FUT8: variants seen among roughly 807,000 people sequenced by gnomAD.
The protein encoded by FUT8 is alpha-(1,6)-fucosyltransferase.
In FUT8, 29 loss-of-function variants were observed where a neutral mutation model predicts 71.3. That is an observed-to-expected ratio of 0.41 (90% CI 0.30 to 0.55). The LOEUF (loss-of-function observed/expected upper bound fraction) is 0.55. Among genes scored for constraint, FUT8 ranks in the 20% least tolerant of loss-of-function variants. FUT8 has a pLI of 0.34. For missense variants in FUT8, 544 were observed against 702.1 expected, an observed-to-expected ratio of 0.77 and a Z score of 2.55; for synonymous variants, 254 against 239.3, an observed-to-expected ratio of 1.06 and a Z score of -0.57.
chr14:65,524,148 A>G (rs1370657683), intron 2 of FUT8, among the ~76,000 whole-genome samples: 3 of 152,232 alleles, frequency 2.0e-5, no homozygotes, highest in Admixed American at 6.5e-5. Context: ...CATTGAATCT[A>G]TAAATTCCCT....
intron 9 of FUT8, among the ~76,000 whole-genome samples, chr14:65,727,105 G>A (rs549033168): frequency 5.7e-4 from 87 of 152,236 alleles, no homozygotes; most frequent in African/African-American, 2.0e-3. Flanking sequence ...CCCCCCTCCT[G>A]GCTGCTTTCA....
At chr14:65,390,465 A>G in the FUT8 span, among the ~76,000 whole-genome samples, 2 of 152,082 alleles carry the variant, frequency 1.3e-5, no homozygotes, top group African/African-American at 2.4e-5. Context: ...GCCTTTTTAC[A>G]TAACTTTTGA....
chr14:65,656,888 A>C (rs2140339127), intron 6 of FUT8, among the ~76,000 whole-genome samples: 1 of 152,324 alleles, frequency 6.6e-6, no homozygotes, highest in East Asian at 1.9e-4. Flanking sequence ...GAAAGTCACA[A>C]ACTTACACTG....
chr14:65,741,911 A>G (rs1896523904), intron 10 of FUT8, among the ~76,000 whole-genome samples, 182 bp from the exon 11 acceptor site: 1 of 151,958 alleles, frequency 6.6e-6, no homozygotes, highest in South Asian at 2.1e-4. Flanking sequence ...AAGGATCCAG[A>G]CACAGAGATG....
At chr14:65,494,180 G>A (rs934237840) in intron 2 of FUT8, among the ~76,000 whole-genome samples, 1 of 152,084 alleles carries the variant, frequency 6.6e-6, no homozygotes, top group Non-Finnish European at 1.5e-5. Context: ...AAAGCAAAAA[G>A]AAGCAGTTAA....
rs995415711 is a variant in FUT8, at chr14:65,591,071, A to G, written c.204-24907A>G. On this transcript the variant is annotated intron_variant, in intron 3 of 10. Coordinates refer to ENST00000673929, the MANE Select transcript of FUT8 (RefSeq NM_001371533.1). ...ACAGTAATGGAAGAAAACAGAAACT[A>G]CTTTGTCGACATTTTGGAAACAAAG... 5.9e-5 allele frequency among the ~76,000 whole-genome samples: 9 copies of G among 152,184 alleles called. No homozygotes were observed. The East Asian group carries it at 9.6e-4, about 16-fold the overall frequency.
chr14:65,691,117 G>A (rs1594900648), intron 7 of FUT8, among the ~76,000 whole-genome samples: 5 of 151,252 alleles, frequency 3.3e-5, no homozygotes, highest in South Asian at 4.1e-4. Flanking sequence ...GTTTTTTTGG[G>A]GGGTGGAGGG....
At position 65,743,781 on chromosome 14, in the gene FUT8, C is replaced by T. The variant is rs1896612732; in HGVS notation, c.*1371C>T. The T allele has an allele frequency of 6.6e-6, 1 of 151,856 alleles. No individual in the cohort carries two copies. The highest frequency in any genetic ancestry group is 2.1e-4 in the South Asian group (1 of 4,826). 9.4% of individuals were successfully genotyped at this position (151,856 alleles called of 1,614,324 possible). A position where few individuals can be genotyped will look rare whatever the true frequency, so the allele number is the denominator to read the frequency against. The stretch of plus-strand genomic sequence containing the variant: ...AAGACTTTGATGCTTTGTCTCTGAG[C>T]ATCATTTTTCTCCTCATAAAAACAC... On this transcript the variant is annotated 3_prime_UTR_variant, in exon 11 of 11. Transcript: ENST00000673929.
At position 65,666,478 on chromosome 14, in the gene FUT8, C is replaced by A. The variant is rs76748632; in HGVS notation, c.598-2765C>A. On this transcript the variant is annotated intron_variant, in intron 6 of 10. Coordinates refer to ENST00000673929, the MANE Select transcript of FUT8 (RefSeq NM_001371533.1). The stretch of plus-strand genomic sequence containing the variant: ...AAACATACAACCTCCCAAGACTGAA[C>A]CGGGAAGAAATTCATACCCTGAACA... Among the ~76,000 whole-genome samples the A allele has an allele frequency of 3.8e-4, 58 of 152,256 alleles. No homozygotes were observed. In the East Asian group the frequency reaches 0.011, roughly 28 times the overall value.
At chr14:65,545,504 A>G (rs1217654103) in intron 2 of FUT8, among the ~76,000 whole-genome samples, 2 of 151,944 alleles carry the variant, frequency 1.3e-5, no homozygotes, top group African/African-American at 4.8e-5. Context: ...GTCATGCTCA[A>G]TCTGTTACCT....
At chr14:65,563,910 T>C (rs1886050003) in intron 3 of FUT8, among the ~76,000 whole-genome samples, 1 of 152,096 alleles carries the variant, frequency 6.6e-6, no homozygotes, top group Admixed American at 6.6e-5. Flanking sequence ...TTTCAAGAGC[T>C]GAATCACCTA....
intron 10 of FUT8, among the ~76,000 whole-genome samples, chr14:65,735,586 A>T (rs1896180354): frequency 6.6e-6 from 1 of 152,038 alleles, no homozygotes; most frequent in Non-Finnish European, 1.5e-5. Context: ...TCATAACCCA[A>T]AATAGACTTG....
chr14:65,398,348 C>T, the FUT8 span, among the ~76,000 whole-genome samples: 90,049 of 151,870 alleles, frequency 0.59, 26,864 homozygotes, highest in East Asian at 0.77. Flanking sequence ...ATTAGAAGAC[C>T]AAGACAGTAC....
chr14:65,694,296 T>A (rs1435388115), intron 7 of FUT8, among the ~76,000 whole-genome samples: 2 of 152,222 alleles, frequency 1.3e-5, no homozygotes, highest in Non-Finnish European at 2.9e-5. Flanking sequence ...TTATGTGTAT[T>A]CAGTGCTGCG....
chr14:65,651,877 G>T lies in FUT8; in HGVS notation c.598-17366G>T, dbSNP rs866512091. Among the ~76,000 whole-genome samples, 4 of 152,188 alleles carry T rather than the reference G, an allele frequency of 2.6e-5. No individual in the cohort carries two copies. In the South Asian group the frequency reaches 8.3e-4, roughly 32 times the overall value. Reference sequence around the variant, plus strand: ...TAAAGATTTTAAAAAGGTGAAGAGAGTCTTATGGGGACCTCTGAGAAAATT... The same window carrying T: ...TAAAGATTTTAAAAAGGTGAAGAGATTCTTATGGGGACCTCTGAGAAAATT... On this transcript the variant is annotated intron_variant, in intron 6 of 10. Transcript: ENST00000673929.
chr14:65,648,877 A>C (rs984829420), intron 6 of FUT8, among the ~76,000 whole-genome samples: 1 of 152,204 alleles, frequency 6.6e-6, no homozygotes, highest in African/African-American at 2.4e-5. Context: ...CTATCACAAG[A>C]GGGTCTAGGA....
intron 1 of FUT8, among the ~76,000 whole-genome samples, chr14:65,441,703 A>T (rs560478632): frequency 2.1e-5 from 3 of 142,588 alleles, no homozygotes; most frequent in African/African-American, 7.8e-5. Flanking sequence ...CAGTAAGCTG[A>T]GATCGTGCCA....
Position 65,439,957 on chromosome 14 carries a change from T to TAC in FUT8, c.-325-15663_-325-15662insCA, listed in dbSNP as rs2065622828. ...AAGAAAATGTGTGTGTGTGTGTGTATATATATATATATATATATATATATA... is the reference window on the plus strand; with the variant it reads ...AAGAAAATGTGTGTGTGTGTGTGTATACATATATATATATATATATATATATA... On this transcript the variant is annotated intron_variant, in intron 1 of 10. Coordinates refer to ENST00000673929, the MANE Select transcript of FUT8 (RefSeq NM_001371533.1). 1.3e-4 allele frequency among the ~76,000 whole-genome samples: 12 copies of TAC among 94,928 alleles called. 2 individuals carry two copies. The highest frequency in any genetic ancestry group is 3.6e-4 in the African/African-American group (10 of 27,876). The allele number at this position is 94,928 out of a possible 152,430, so 62.3% of individuals were successfully genotyped here.
At chr14:65,412,219 T>C (rs1156740458), upstream of FUT8, 1 of 456,660 alleles carries the variant, frequency 2.2e-6, no homozygotes, top group Admixed American at 2.3e-5. Flanking sequence ...AGCGATGCCA[T>C]TGTAGGATCG....
Sources: gnomAD v4.1 joint callset for allele counts (sites outside exome capture counted in the v4.1 genomes callset) on GRCh38, gnomAD v4.1.1 for gene constraint, MANE v1.5 for transcripts, NCBI Gene and HGNC (gene_info 2026-07-23, HGNC 2026-07-21) for gene names.